Variants in CUX1 observed in about 807,000 individuals in gnomAD.
The protein encoded by CUX1 is protein CASP.
Under a neutral mutation model 158.8 loss-of-function variants are expected in CUX1, and 31 were observed. The observed-to-expected ratio is 0.20, with a 90% confidence interval of 0.15 to 0.26. The LOEUF is 0.26. CUX1 is among the 10% of genes least tolerant of loss of function. The probability of loss-of-function intolerance (pLI) is 1.00; values close to 1 mark genes in which losing one functional copy is unlikely to be tolerated. For missense variants in CUX1, 1,589 were observed against 2,014.6 expected (o/e 0.79, Z 4.04); for synonymous variants, 879 against 862.1 (o/e 1.02, Z -0.34).
chr7:101,996,132 GAT>G (rs1397852288), intron 2 of CUX1, among the ~76,000 whole-genome samples: 1 of 151,980 alleles, frequency 6.6e-6, no homozygotes, highest in East Asian at 1.9e-4. Context: ...AAGAGAGAGA[GAT>G]GCAGGACCAT....
chr7:102,045,912 A>G (rs931721568), intron 3 of CUX1, among the ~76,000 whole-genome samples: 1 of 152,150 alleles, frequency 6.6e-6, no homozygotes, highest in Non-Finnish European at 1.5e-5. Context: ...GCTCCTGAAC[A>G]TGGGGCTCTG....
chr7:102,175,949 C>T (rs552330734), intron 10 of CUX1, among the ~76,000 whole-genome samples: 1 of 152,382 alleles, frequency 6.6e-6, no homozygotes, highest in African/African-American at 2.4e-5. Flanking sequence ...TCACTGTGCA[C>T]CAGCAACAGT....
chr7:101,856,482 A>C (rs1258444716), intron 1 of CUX1, among the ~76,000 whole-genome samples: 2 of 152,202 alleles, frequency 1.3e-5, no homozygotes, highest in African/African-American at 4.8e-5. Flanking sequence ...GACGAAGTGG[A>C]CTTTACAGAA....
At chr7:102,140,434 C>T (rs437203) in intron 8 of CUX1, among the ~76,000 whole-genome samples, 2 of 152,014 alleles carry the variant, frequency 1.3e-5, no homozygotes, top group African/African-American at 2.4e-5. Flanking sequence ...TTAGTAGAGA[C>T]GGGGTTTCAC....
rs1462913265 is a variant in CUX1, at chr7:102,044,869, G to A, written c.189+16724G>A. On this transcript the variant is annotated intron_variant, in intron 3 of 23. Coordinates refer to ENST00000292535, the MANE Select transcript of CUX1 (RefSeq NM_181552.4). Reference sequence around the variant, plus strand: ...AGGCACTCTGGGGACAGGATGATGCGTTCTGGCTGGAAGATACAGGGAGGC... The same window carrying A: ...AGGCACTCTGGGGACAGGATGATGCATTCTGGCTGGAAGATACAGGGAGGC... 1.2e-4 allele frequency among the ~76,000 whole-genome samples: 19 copies of A among 152,226 alleles called. No individual in the cohort carries two copies. In the East Asian group the frequency reaches 3.5e-3, roughly 28 times the overall value.
intron 1 of CUX1, among the ~76,000 whole-genome samples, chr7:101,892,940 G>T (rs1307301705): frequency 6.6e-6 from 1 of 151,922 alleles, no homozygotes; most frequent in African/African-American, 2.4e-5. Context: ...AAGATTAATT[G>T]CAGGCCTGAA....
chr7:101,840,778 C>T (rs1172954405), intron 1 of CUX1, among the ~76,000 whole-genome samples: 1 of 152,114 alleles, frequency 6.6e-6, no homozygotes, highest in Non-Finnish European at 1.5e-5. Flanking sequence ...TTTGATAGCT[C>T]ACCTTTGAAA....
chr7:101,827,258 CTCTT>C, intron 1 of CUX1, among the ~76,000 whole-genome samples: 1 of 145,272 alleles, frequency 6.9e-6, no homozygotes, highest in Admixed American at 7.0e-5. Flanking sequence ...CTCTTCTCTT[CTCTT>C]CTCTTCTCTT....
chr7:102,177,699 C>T (rs1792537172), intron 10 of CUX1, among the ~76,000 whole-genome samples: 1 of 152,132 alleles, frequency 6.6e-6, no homozygotes, highest in East Asian at 1.9e-4. Context: ...ATCACCATCT[C>T]AGTGAGTCTT....
intron 1 of CUX1, among the ~76,000 whole-genome samples, chr7:101,888,661 C>T (rs1050386167): frequency 2.6e-5 from 4 of 152,212 alleles, no homozygotes; most frequent in Admixed American, 6.5e-5. Context: ...GCAATCTCAG[C>T]TCACTGCAGC....
Position 102,253,637 on chromosome 7 carries a change from A to C in CUX1, c.*4595A>C, listed in dbSNP as rs1263092570. On this transcript the variant is annotated 3_prime_UTR_variant, in exon 24 of 24. Coordinates refer to ENST00000292535, the MANE Select transcript of CUX1 (RefSeq NM_181552.4). ...ACAGACGCATGTCCTTCTGGGAGTC[A>C]CACAAAAGCAGAGAGATTTTGAACT... The C allele has an allele frequency of 1.0e-6, 1 of 985,200 alleles. No homozygotes were observed. The highest frequency in any genetic ancestry group is 1.2e-6 in the Non-Finnish European group (1 of 829,926). 61.0% of individuals were successfully genotyped at this position (985,200 alleles called of 1,614,324 possible).
At chr7:102,110,792 A>G (rs988925311) in intron 6 of CUX1, among the ~76,000 whole-genome samples, 3 of 152,208 alleles carry the variant, frequency 2.0e-5, no homozygotes, top group Non-Finnish European at 2.9e-5. Flanking sequence ...ACTGTTACAT[A>G]TGATGTCGTA....
At chr7:102,163,449 G>A (rs73712431) in intron 9 of CUX1, among the ~76,000 whole-genome samples, 109 of 152,250 alleles carry the variant, frequency 7.2e-4, no homozygotes, top group African/African-American at 2.5e-3. Context: ...CCAGAGATGC[G>A]GGTCAGAGAG....
intron 20 of CUX1, among the ~76,000 whole-genome samples, chr7:102,208,812 C>T (rs1166559295): frequency 6.6e-6 from 1 of 152,192 alleles, no homozygotes; most frequent in Non-Finnish European, 1.5e-5. Context: ...TCAAGTAGCT[C>T]GCCGTGGTAG....
chr7:102,204,329 G>A (rs200702382), intron 18 of CUX1, 62 bp from the exon 19 acceptor site: 69 of 1,587,164 alleles, frequency 4.3e-5, no homozygotes, highest in Middle Eastern at 3.5e-4. Flanking sequence ...CATTGCAGCA[G>A]CATCTGTGGT....
At chr7:101,912,075 C>G (rs751714782) in intron 1 of CUX1, among the ~76,000 whole-genome samples, 3 of 152,146 alleles carry the variant, frequency 2.0e-5, no homozygotes, top group Non-Finnish European at 4.4e-5. Flanking sequence ...ACCAGGGGCC[C>G]GCAGGTGTTT....
In CUX1 at chr7:102,248,704, G is replaced by T; in HGVS notation, c.4180G>T (p.Gly1394Cys). The T allele has an allele frequency of 8.1e-7, 1 of 1,237,742 alleles. No homozygotes were observed. Among genetic ancestry groups the T allele is most frequent in the Non-Finnish European group, 1.0e-6 (1 of 986,000 alleles). The allele number at this position is 1,237,742 out of a possible 1,614,324, so 76.7% of individuals were successfully genotyped here. A position where few individuals can be genotyped will look rare whatever the true frequency, so the allele number is the denominator to read the frequency against. ...CGCCCGCGACGACGACCACGAGGGA[G>T]GCCCCGTGGAAGGCCCGGGGCCCCT... ...DDARDDDHEG[G>C]PVEGPGPLPS... The change falls in exon 24 of 24, where the codon GGC becomes TGC. Residue 1394 changes from glycine to cysteine, a missense_variant. Around this residue, in one of 8 missense-constraint regions of CUX1, gnomAD observed 344 missense variants for 323.7 expected, o/e 1.06. Transcript: ENST00000292535. The surrounding 1 kb of genome is among the most constrained non-coding windows in gnomAD (Gnocchi z 5.8).
rs201537465 is a variant in CUX1 at position 102,097,433 on chromosome 7, C to G, written c.338C>G (p.Thr113Arg). 1 of 1,613,566 alleles carries G rather than the reference C, an allele frequency of 6.2e-7. No individual in the cohort carries two copies. The highest frequency in any genetic ancestry group is 1.3e-5 in the African/African-American group (1 of 74,900). Residue 113 changes from threonine (T) to arginine (R), a missense_variant, in exon 5 of 24, where the codon ACA becomes AGA. Coordinates refer to ENST00000292535, the MANE Select transcript of CUX1 (RefSeq NM_181552.4). ...LKVQRLHDIE[T>R]ENQKLRETLE... is the part of the protein sequence containing the mutation. The stretch of plus-strand genomic sequence containing the variant: ...GTGCAGCGCCTGCACGATATTGAAA[C>G]AGAGAACCAGAAACTTAGGGAAACT...
chr7:102,211,683 G>C (rs1415608111), intron 20 of CUX1, among the ~76,000 whole-genome samples: 1 of 151,238 alleles, frequency 6.6e-6, no homozygotes, highest in African/African-American at 2.4e-5. Flanking sequence ...GGGAGGCTGA[G>C]GCAGGAGAAT....
Sources: gnomAD v4.1 joint callset for allele counts (sites outside exome capture counted in the v4.1 genomes callset) on GRCh38, gnomAD v4.1.1 for gene constraint, gnomAD v4.1.1 regional missense constraint, Gnocchi (gnomAD v3.1) non-coding constraint, MANE v1.5 for transcripts, NCBI Gene and HGNC (gene_info 2026-07-23, HGNC 2026-07-21) for gene names.